The following GRID1 variants were observed in gnomAD, a reference collection of about 807,000 sequenced individuals.
The protein encoded by GRID1 is glutamate ionotropic receptor delta type subunit 1, also known as glutamate receptor ionotropic, delta-1.
In GRID1, 28 loss-of-function variants were observed where a neutral mutation model predicts 98.0. The observed-to-expected ratio is 0.29, with a 90% CI of 0.21 to 0.39. GRID1 has a LOEUF of 0.39. GRID1 is among the 10% of genes least tolerant of loss of function. The pLI, the probability that GRID1 is intolerant of heterozygous loss-of-function variation, is 1.00. For synonymous variants in GRID1, 553 were observed against 538.5 expected, an observed-to-expected ratio of 1.03 and a Z score of -0.37; for missense variants, 1,111 against 1,340.5, an observed-to-expected ratio of 0.83 and a Z score of 2.67.
chr10:86,311,301 C>T (rs1027543735), intron 2 of GRID1, among the ~76,000 whole-genome samples: 12 of 152,290 alleles, frequency 7.9e-5, no homozygotes, highest in African/African-American at 1.9e-4. Context: ...TTCCACTGCA[C>T]GGTGCAGCTT....
intron 8 of GRID1, among the ~76,000 whole-genome samples, chr10:85,783,434 C>T (rs1222501566): frequency 6.6e-6 from 1 of 152,178 alleles, no homozygotes; most frequent in Admixed American, 6.5e-5. Flanking sequence ...ATGTAATCCT[C>T]ACCGAATGGA....
chr10:86,082,145 C>T (rs547218482), intron 4 of GRID1, among the ~76,000 whole-genome samples: 20 of 152,200 alleles, frequency 1.3e-4, no homozygotes, highest in Non-Finnish European at 2.5e-4. Context: ...TCTGTAAACA[C>T]GAAACTGCTT....
chr10:85,907,355 G>T (rs1317004453), intron 5 of GRID1, among the ~76,000 whole-genome samples: 1 of 152,112 alleles, frequency 6.6e-6, no homozygotes, highest in East Asian at 1.9e-4. Context: ...CAAGTGATGT[G>T]CCTGCCTCGG....
intron 4 of GRID1, among the ~76,000 whole-genome samples, chr10:86,011,928 C>T (rs1842927224): frequency 6.6e-6 from 1 of 152,080 alleles, no homozygotes; most frequent in South Asian, 2.1e-4. Flanking sequence ...GAGGCCGAAG[C>T]GAGCAGATTG....
Position 85,601,720 on chromosome 10 carries a change from C to T in GRID1, c.*553G>A, listed in dbSNP as rs1305397866. On this transcript the variant is annotated 3_prime_UTR_variant, in exon 16 of 16. Transcript: ENST00000327946. ...GGGCACCTCCTCAGCCCCAGGCTAC[C>T]CAGAACAGCCGATCACCCTACAGCA... The T allele has an allele frequency of 1.3e-5, 2 of 153,608 alleles. No individual in the cohort carries two copies. The highest frequency in any genetic ancestry group is 4.8e-5 in the African/African-American group (2 of 41,478). 9.5% of individuals were successfully genotyped at this position (153,608 alleles called of 1,614,324 possible). A position where few individuals can be genotyped will look rare whatever the true frequency, so the allele number is the denominator to read the frequency against.
At chr10:85,930,550 G>A (rs763917461) in intron 4 of GRID1, among the ~76,000 whole-genome samples, 60 of 152,036 alleles carry the variant, frequency 3.9e-4, no homozygotes, top group African/African-American at 1.2e-3. Flanking sequence ...AGCAGGGGCT[G>A]TCATGAGACT....
intron 8 of GRID1, among the ~76,000 whole-genome samples, chr10:85,787,662 G>C (rs923978591): frequency 6.6e-6 from 1 of 152,114 alleles, no homozygotes; most frequent in South Asian, 2.1e-4. Flanking sequence ...CCACCCACTC[G>C]TGTGGACCAC....
chr10:85,671,089 C>A (rs889627971), intron 12 of GRID1, among the ~76,000 whole-genome samples: 14 of 152,200 alleles, frequency 9.2e-5, no homozygotes, highest in Non-Finnish European at 1.6e-4. Context: ...TTAATCCTTT[C>A]TTTTCCTACC....
intron 4 of GRID1, among the ~76,000 whole-genome samples, chr10:86,055,091 G>A (rs1272136903): frequency 6.6e-6 from 1 of 152,164 alleles, no homozygotes; most frequent in East Asian, 1.9e-4. Context: ...CAAAACTTAA[G>A]CTGACCACAG....
At chr10:85,838,882 T>C (rs1264366669) in intron 8 of GRID1, among the ~76,000 whole-genome samples, 1 of 152,166 alleles carries the variant, frequency 6.6e-6, no homozygotes, top group African/African-American at 2.4e-5. Context: ...TCCATTGTTA[T>C]GCTGTCTTCA....
chr10:86,295,978 G>T (rs1310528660), intron 2 of GRID1, among the ~76,000 whole-genome samples: 6 of 152,206 alleles, frequency 3.9e-5, no homozygotes. Flanking sequence ...TGCTCCTCCT[G>T]TTGCCAGAGA....
chr10:86,327,411 AAT>A (rs1848068003), intron 2 of GRID1, among the ~76,000 whole-genome samples: 1 of 152,154 alleles, frequency 6.6e-6, no homozygotes, highest in South Asian at 2.1e-4. Flanking sequence ...CATCTTAAAG[AAT>A]TTCCCCAAGC....
At chr10:85,742,063 C>G (rs1481334931) in intron 8 of GRID1, among the ~76,000 whole-genome samples, 1 of 152,168 alleles carries the variant, frequency 6.6e-6, no homozygotes, top group African/African-American at 2.4e-5. Context: ...TTGCTATTTT[C>G]TTCATACTTC....
intron 12 of GRID1, among the ~76,000 whole-genome samples, chr10:85,665,555 CAT>C (rs147297518): frequency 1.3e-5 from 2 of 152,232 alleles, no homozygotes; most frequent in East Asian, 1.9e-4. Flanking sequence ...GCCAGGGACA[CAT>C]GTTTTCACCT....
chr10:85,942,080 A>G (rs1842003286), intron 4 of GRID1, among the ~76,000 whole-genome samples: 1 of 152,154 alleles, frequency 6.6e-6, no homozygotes, highest in South Asian at 2.1e-4. Context: ...GGACTCTTAG[A>G]TATCCAAGTT....
chr10:85,692,517 G>T lies in GRID1; in HGVS notation c.1997+30486C>A, dbSNP rs536670332. Among the ~76,000 whole-genome samples the T allele has an allele frequency of 5.9e-5, 9 of 151,894 alleles. No individual in the cohort carries two copies. In the East Asian group the frequency reaches 1.7e-3, roughly 29 times the overall value. On this transcript the variant is annotated intron_variant, in intron 12 of 15. Coordinates refer to ENST00000327946, the MANE Select transcript of GRID1 (RefSeq NM_017551.3). ...TCTCTATAAAAAAATGCAAAAATTAGCCAGTTGTGATGGCGTGTGCCTGTG... is the reference window on the plus strand; with the variant it reads ...TCTCTATAAAAAAATGCAAAAATTATCCAGTTGTGATGGCGTGTGCCTGTG...
At chr10:85,810,308 G>T (rs546087259) in intron 8 of GRID1, among the ~76,000 whole-genome samples, 1 of 152,350 alleles carries the variant, frequency 6.6e-6, no homozygotes, top group South Asian at 2.1e-4. Context: ...GACCCCAGCT[G>T]CTCAGAGCCT....
chr10:85,637,020 A>T (rs937730238), intron 13 of GRID1, among the ~76,000 whole-genome samples: 1 of 152,196 alleles, frequency 6.6e-6, no homozygotes, highest in Admixed American at 6.5e-5. Context: ...TTTAAATAAA[A>T]TTTTTACATC....
chr10:85,948,719 T>C (rs1291420711), intron 4 of GRID1, among the ~76,000 whole-genome samples: 1 of 152,212 alleles, frequency 6.6e-6, no homozygotes, highest in Non-Finnish European at 1.5e-5. Flanking sequence ...TTAACTCTTC[T>C]ATGAACTTAA....
Sources: allele counts gnomAD v4.1 joint callset (sites outside exome capture counted in the v4.1 genomes callset), GRCh38; gene constraint gnomAD v4.1.1; transcripts MANE v1.5; gene names NCBI Gene and HGNC (gene_info 2026-07-23, HGNC 2026-07-21).